The following SORCS3 variants were observed in gnomAD, a reference collection of about 807,000 sequenced individuals.
The protein encoded by SORCS3 is VPS10 domain-containing receptor SorCS3.
Under a neutral mutation model 146.3 loss-of-function variants are expected in SORCS3, and 57 were observed. The observed-to-expected ratio is 0.39, with a 90% confidence interval of 0.31 to 0.49. The LOEUF (loss-of-function observed/expected upper bound fraction) is 0.49, where lower values mean the gene tolerates loss of function less well. SORCS3 is among the 20% of genes least tolerant of loss of function. The pLI, the probability that SORCS3 is intolerant of heterozygous loss-of-function variation, is 0.92. For missense variants in SORCS3, 1,341 were observed against 1,575.5 expected (o/e 0.85, Z 2.52); for synonymous variants, 653 against 618.5 (o/e 1.06, Z -0.83).
chr10:105,043,519 C>T lies in SORCS3; in HGVS notation c.1028+391C>T, dbSNP rs375393195. On this transcript the variant is annotated intron_variant, in intron 5 of 26. Coordinates refer to ENST00000369701, the MANE Select transcript of SORCS3 (RefSeq NM_014978.3). ...CATATTCTAAAAAGCAGTATTTTCC[C>T]AAAATGTACTCTGGAGAACAGCAGT... 7.2e-5 allele frequency among the ~76,000 whole-genome samples: 11 copies of T among 152,212 alleles called. No homozygotes were observed. In the South Asian group the frequency reaches 1.9e-3, roughly 26 times the overall value.
At chr10:104,672,680 A>C (rs563114035) in intron 1 of SORCS3, among the ~76,000 whole-genome samples, 4 of 151,832 alleles carry the variant, frequency 2.6e-5, no homozygotes, top group African/African-American at 9.7e-5. Context: ...AGTATTTTCT[A>C]ATTTCTGTTT....
chr10:104,738,801 A>G (rs2016808141), intron 1 of SORCS3, among the ~76,000 whole-genome samples: 1 of 152,202 alleles, frequency 6.6e-6, no homozygotes, highest in Admixed American at 6.5e-5. Context: ...CTTGAGACGC[A>G]AGGGCTTCCC....
intron 1 of SORCS3, among the ~76,000 whole-genome samples, chr10:104,666,937 G>C (rs2015785517): frequency 6.6e-6 from 1 of 152,078 alleles, no homozygotes; most frequent in Admixed American, 6.5e-5. Context: ...AAATGGCAGA[G>C]CTGAAAATTA....
chr10:105,051,402 A>G (rs2055411927), intron 5 of SORCS3, among the ~76,000 whole-genome samples: 1 of 152,074 alleles, frequency 6.6e-6, no homozygotes, highest in Admixed American at 6.6e-5. Flanking sequence ...TCTTCCCTGA[A>G]TTTGAGCTCT....
chr10:104,822,250 T>C, intron 1 of SORCS3: 1 of 345,374 alleles, frequency 2.9e-6, no homozygotes, highest in Non-Finnish European at 5.7e-6. Flanking sequence ...TAGACCAGAG[T>C]CAACACACAA....
Position 105,089,848 on chromosome 10 carries a change from TGCTACAGCCAG to T in SORCS3, c.1093+14_1093+24del. The T allele has an allele frequency of 6.2e-7, 1 of 1,612,454 alleles. No individual in the cohort carries two copies. Among genetic ancestry groups the T allele is most frequent in the Non-Finnish European group, 8.5e-7 (1 of 1,178,508 alleles). ...GCGGACCACGGATGGATGTGAGTTC[TGCTACAGCCAG>T]GCTAGGCCCAGGGAGATCTGCCTGC... On this transcript the variant is annotated intron_variant, in intron 6 of 26. Coordinates refer to ENST00000369701, the MANE Select transcript of SORCS3 (RefSeq NM_014978.3).
chr10:105,156,884 A>C (rs1445152762), intron 9 of SORCS3, among the ~76,000 whole-genome samples: 4 of 152,208 alleles, frequency 2.6e-5, no homozygotes, highest in Non-Finnish European at 5.9e-5. Context: ...AAGTACAGAG[A>C]CGAGCAAACT....
chr10:105,158,109 G>T (rs972196521), intron 10 of SORCS3, among the ~76,000 whole-genome samples: 1 of 152,042 alleles, frequency 6.6e-6, no homozygotes, highest in African/African-American at 2.4e-5. Flanking sequence ...GTACTAGGAG[G>T]GTCAGAGAGA....
chr10:104,739,255 C>T (rs2016813141), intron 1 of SORCS3, among the ~76,000 whole-genome samples: 1 of 152,130 alleles, frequency 6.6e-6, no homozygotes, highest in Admixed American at 6.5e-5. Context: ...TCTCCAAATG[C>T]CGGAGACAAG....
chr10:104,735,769 A>G (rs1263224804), intron 1 of SORCS3, among the ~76,000 whole-genome samples: 4 of 152,200 alleles, frequency 2.6e-5, no homozygotes, highest in South Asian at 4.1e-4. Flanking sequence ...GGATACGGTT[A>G]TGACCTGTAG....
chr10:104,798,371 G>T (rs1430957293), intron 1 of SORCS3, among the ~76,000 whole-genome samples: 1 of 152,194 alleles, frequency 6.6e-6, no homozygotes, highest in Non-Finnish European at 1.5e-5. Context: ...GGAAGCTGGT[G>T]TGAAGGGTGG....
intron 4 of SORCS3, among the ~76,000 whole-genome samples, chr10:105,004,642 G>A (rs1003525973): frequency 2.0e-5 from 3 of 152,094 alleles, no homozygotes; most frequent in African/African-American, 7.2e-5. Flanking sequence ...ATGGCAAAAC[G>A]CAAGGAAGCC....
intron 6 of SORCS3, among the ~76,000 whole-genome samples, chr10:105,091,679 G>A (rs2055710706): frequency 6.6e-6 from 1 of 152,034 alleles, no homozygotes; most frequent in African/African-American, 2.4e-5. Flanking sequence ...AAGAGCTATT[G>A]GGAATTTAAG....
intron 2 of SORCS3, among the ~76,000 whole-genome samples, chr10:104,843,782 G>T (rs1356878225): frequency 2.0e-5 from 3 of 152,226 alleles, no homozygotes; most frequent in African/African-American, 7.2e-5. Flanking sequence ...TCGACAGCGG[G>T]TCTTATCAGT....
chr10:104,659,108 C>T (rs558958257), intron 1 of SORCS3, among the ~76,000 whole-genome samples: 10 of 152,244 alleles, frequency 6.6e-5, no homozygotes, highest in African/African-American at 2.4e-4. Context: ...GAAGAAGTTG[C>T]TCATACTCAT....
At chr10:105,229,142 CT>C (rs1290175483) in intron 20 of SORCS3, among the ~76,000 whole-genome samples, 6 of 151,826 alleles carry the variant, frequency 4.0e-5, no homozygotes, top group Non-Finnish European at 7.4e-5. Flanking sequence ...TCTATTAAAG[CT>C]TTCAAATGTA....
intron 13 of SORCS3, among the ~76,000 whole-genome samples, chr10:105,168,773 A>G (rs2056335836): frequency 6.6e-6 from 1 of 152,124 alleles, no homozygotes; most frequent in Non-Finnish European, 1.5e-5. Context: ...AAATGATCAA[A>G]TATTACCAGT....
At chr10:104,734,988 C>A (rs939105470) in intron 1 of SORCS3, among the ~76,000 whole-genome samples, 5 of 152,076 alleles carry the variant, frequency 3.3e-5, no homozygotes, top group African/African-American at 7.2e-5. Flanking sequence ...TTTTAAAAAA[C>A]CATTTTTTAT....
intron 2 of SORCS3, among the ~76,000 whole-genome samples, chr10:104,879,544 G>A (rs1589533877): frequency 6.6e-6 from 1 of 152,220 alleles, no homozygotes; most frequent in East Asian, 1.9e-4. Flanking sequence ...ATATTGGCAG[G>A]CCCCAGAGAT....
Sources: allele counts gnomAD v4.1 joint callset (sites outside exome capture counted in the v4.1 genomes callset), GRCh38; gene constraint gnomAD v4.1.1; transcripts MANE v1.5; gene names NCBI Gene and HGNC (gene_info 2026-07-23, HGNC 2026-07-21).